DNAJC11: variants seen among roughly 807,000 people sequenced by gnomAD.
The protein encoded by DNAJC11 is dnaJ homolog subfamily C member 11.
In DNAJC11, 15 loss-of-function variants were observed where a neutral mutation model predicts 78.6. That is an observed-to-expected ratio of 0.19 (90% CI 0.13 to 0.29). The LOEUF (loss-of-function observed/expected upper bound fraction) is 0.29. Among genes scored for constraint, DNAJC11 ranks in the 10% least tolerant of loss-of-function variants. The probability of loss-of-function intolerance (pLI) is 1.00; values close to 1 mark genes in which losing one functional copy is unlikely to be tolerated. For missense variants in DNAJC11, 547 were observed against 709.6 expected, an observed-to-expected ratio of 0.77 and a Z score of 2.60; for synonymous variants, 292 against 272.1, an observed-to-expected ratio of 1.07 and a Z score of -0.72.
chr1:6,699,841 C>T (rs1557493323), intron 1 of DNAJC11, among the ~76,000 whole-genome samples: 1 of 152,176 alleles, frequency 6.6e-6, no homozygotes, highest in Non-Finnish European at 1.5e-5. Flanking sequence ...GGCAGCCTAA[C>T]AAAATCTGCA....
chr1:6,690,224 C>T (rs1642723295), intron 1 of DNAJC11, among the ~76,000 whole-genome samples: 1 of 152,130 alleles, frequency 6.6e-6, no homozygotes, highest in Non-Finnish European at 1.5e-5. Flanking sequence ...ACCAGATCAA[C>T]GATTCATCCA....
At chr1:6,676,131 C>T (rs1642458883) in intron 3 of DNAJC11, among the ~76,000 whole-genome samples, 1 of 152,190 alleles carries the variant, frequency 6.6e-6, no homozygotes, top group Non-Finnish European at 1.5e-5. Flanking sequence ...TCCCATCAAG[C>T]CAGAGGCCAA....
rs1291377337 is a variant in DNAJC11 at position 6,701,792 on chromosome 1, C to G, written c.9G>C (p.Thr3=). The G allele has an allele frequency of 7.7e-6, 12 of 1,561,610 alleles. No homozygotes were observed. The highest frequency in any genetic ancestry group is 1.0e-5 in the Non-Finnish European group (12 of 1,156,438). Residue 3 remains threonine (T), a synonymous_variant, in exon 1 of 16, where the codon ACG becomes ACC. Transcript: ENST00000377577. ...TGTCCAGCTCCTCCTCGCTCAAGGC[C>G]GTCGCCATCTTCGCAACCTTTCACC... MA[T]ALSEEELDNE...
intron 1 of DNAJC11, among the ~76,000 whole-genome samples, chr1:6,686,359 A>T (rs1642657439): frequency 6.6e-6 from 1 of 152,272 alleles, no homozygotes; most frequent in South Asian, 2.1e-4. Context: ...AACACCAAAA[A>T]GCTTGATAAC....
intron 1 of DNAJC11, among the ~76,000 whole-genome samples, chr1:6,691,213 C>T (rs887172303): frequency 2.7e-5 from 4 of 145,456 alleles, no homozygotes; most frequent in Non-Finnish European, 6.0e-5. Context: ...AAGCAGGAAG[C>T]ACATCACCTG....
chr1:6,699,575 A>G (rs1005056446), intron 1 of DNAJC11, among the ~76,000 whole-genome samples: 6 of 152,192 alleles, frequency 3.9e-5, no homozygotes, highest in Non-Finnish European at 8.8e-5. Context: ...AACTGGAAAA[A>G]AAGTATAACT....
At position 6,680,947 on chromosome 1, in the gene DNAJC11, C is replaced by T; in HGVS notation, c.163G>A (p.Ala55Thr). 1 of 1,614,084 alleles carries T rather than the reference C, an allele frequency of 6.2e-7. No individual in the cohort carries two copies. The highest frequency in any genetic ancestry group is 2.2e-5 in the East Asian group (1 of 44,874). ...KHRDPELKSQ[A>T]ERLFNLVHQA... ...TGAACAAGGTTAAACAGTCGTTCCG[C>T]CTGTGACTTGAGCTCTGGGTCTCTG... Residue 55 changes from alanine to threonine, a missense_variant, in exon 2 of 16, where the codon GCG becomes ACG. Physicochemically the swap from Ala to Thr is moderately conservative, Grantham distance 58. Transcript: ENST00000377577. The surrounding 1 kb of genome is among the most constrained non-coding windows in gnomAD (Gnocchi z 4.0).
At chr1:6,693,834 ATTTTTTT>A (rs34877805) in intron 1 of DNAJC11, among the ~76,000 whole-genome samples, 8 of 101,222 alleles carry the variant, frequency 7.9e-5, no homozygotes, top group African/African-American at 1.5e-4. Flanking sequence ...AAGTACCCCC[ATTTTTTT>A]TTTTTTTTTT....
At chr1:6,646,153 G>A (rs1164471392) in intron 7 of DNAJC11, among the ~76,000 whole-genome samples, 175 bp from the exon 8 acceptor site, 1 of 151,872 alleles carries the variant, frequency 6.6e-6, no homozygotes, top group Non-Finnish European at 1.5e-5. Flanking sequence ...GAGGGGGAGG[G>A]TCCTAGCCAG....
intron 10 of DNAJC11, among the ~76,000 whole-genome samples, chr1:6,643,328 T>C (rs1193498346): frequency 1.4e-5 from 2 of 146,754 alleles, no homozygotes; most frequent in Non-Finnish European, 3.0e-5. Context: ...CAGGCTGGAG[T>C]GCAGTGGCGC....
chr1:6,636,655 G>A (rs1641779770), intron 14 of DNAJC11, among the ~76,000 whole-genome samples: 1 of 152,188 alleles, frequency 6.6e-6, no homozygotes, highest in African/African-American at 2.4e-5. Context: ...TTGCTGGTGT[G>A]ACTGGCACAC....
intron 3 of DNAJC11, among the ~76,000 whole-genome samples, chr1:6,668,541 G>A (rs765922096): frequency 2.0e-5 from 3 of 152,142 alleles, no homozygotes; most frequent in Non-Finnish European, 2.9e-5. Flanking sequence ...TGAGACAATC[G>A]CTAGAGACTC....
intron 1 of DNAJC11, among the ~76,000 whole-genome samples, chr1:6,684,638 T>G (rs1470487485): frequency 6.6e-6 from 1 of 152,152 alleles, no homozygotes; most frequent in Non-Finnish European, 1.5e-5. Flanking sequence ...CAATAAAAGG[T>G]TAGATTGGTC....
At position 6,678,441 on chromosome 1, in the gene DNAJC11, T is replaced by C; in HGVS notation, c.229A>G (p.Ile77Val). The C allele has an allele frequency of 6.2e-7, 1 of 1,614,030 alleles. No individual in the cohort carries two copies. The highest frequency in any genetic ancestry group is 1.1e-5 in the South Asian group (1 of 91,052). ...EVLSDPQTRA[I>V]YDIYGKRGLE... is the part of the protein sequence containing the mutation. Reference sequence around the variant, plus strand: ...CCTCTCTTCCCATATATATCATAGATGGCCCTGGTTTGGGGGTCACTAAGC... The same window carrying C: ...CCTCTCTTCCCATATATATCATAGACGGCCCTGGTTTGGGGGTCACTAAGC... The change falls in exon 3 of 16, where the codon ATC (isoleucine) becomes GTC (valine). Residue 77 changes from isoleucine to valine, a missense_variant. Transcript: ENST00000377577.
At chr1:6,661,248 A>G (rs184901998) in intron 4 of DNAJC11, among the ~76,000 whole-genome samples, 1 of 152,336 alleles carries the variant, frequency 6.6e-6, no homozygotes, top group East Asian at 1.9e-4. Flanking sequence ...TTCCACCAAA[A>G]GAGGTGATAC....
intron 1 of DNAJC11, among the ~76,000 whole-genome samples, chr1:6,682,046 G>T (rs1642561429): frequency 6.6e-6 from 1 of 151,454 alleles, no homozygotes; most frequent in South Asian, 2.1e-4. Context: ...CAGAAGAATA[G>T]GCCCAGGTCC....
At chr1:6,646,808 T>A (rs1388636818) in intron 7 of DNAJC11, among the ~76,000 whole-genome samples, 1 of 152,124 alleles carries the variant, frequency 6.6e-6, no homozygotes. Flanking sequence ...TCCACATCAA[T>A]TGCCTAAGTT....
In DNAJC11 at chr1:6,681,039, TA is replaced by T. The variant is rs1557485150; in HGVS notation, c.73-3del. The T allele has an allele frequency of 1.3e-6, 2 of 1,593,542 alleles. No homozygotes were observed. Among genetic ancestry groups the T allele is most frequent in the African/African-American group, 2.7e-5 (2 of 73,990 alleles). Reference sequence around the variant, plus strand: ...AGCTTTCAGCTCTTCAGAAGAGGCCTAAAGAAAGAAAAATTCAATTAGAGAA... The same window carrying T: ...AGCTTTCAGCTCTTCAGAAGAGGCCTAAGAAAGAAAAATTCAATTAGAGAA... On this transcript the variant is annotated splice_polypyrimidine_tract_variant and splice_region_variant and intron_variant, in intron 1 of 15. Transcript: ENST00000377577.
chr1:6,700,613 G>A (rs1226881331), intron 1 of DNAJC11, among the ~76,000 whole-genome samples: 1 of 152,090 alleles, frequency 6.6e-6, no homozygotes, highest in African/African-American at 2.4e-5. Context: ...TGTAAATCAA[G>A]GGCTATCATA....
Sources: allele counts gnomAD v4.1 joint callset (sites outside exome capture counted in the v4.1 genomes callset), GRCh38; gene constraint gnomAD v4.1.1; non-coding constraint Gnocchi (gnomAD v3.1); transcripts MANE v1.5; gene names NCBI Gene and HGNC (gene_info 2026-07-23, HGNC 2026-07-21).